TXNRD1: variants seen among roughly 807,000 people sequenced by gnomAD.
TXNRD1 encodes the protein thioredoxin reductase 1, cytoplasmic.
In TXNRD1, 57 loss-of-function variants were observed where a neutral mutation model predicts 80.3. The ratio of observed to expected loss-of-function variants is 0.71; its 90% CI spans 0.57 to 0.89. TXNRD1 has a LOEUF of 0.89. Among genes scored for constraint, TXNRD1 ranks in the 40% least tolerant of loss-of-function variants. The pLI, the probability that TXNRD1 is intolerant of heterozygous loss-of-function variation, is 0.00. For missense variants in TXNRD1, 730 were observed against 803.0 expected (o/e 0.91, Z 1.10); for synonymous variants, 291 against 285.2 (o/e 1.02, Z -0.20).
rs74399358 is a variant in TXNRD1 at position 104,261,126 on chromosome 12, G to A, written c.304+3047G>A. Among the ~76,000 whole-genome samples the A allele has an allele frequency of 4.9e-3, 743 of 151,472 alleles. 9 individuals carry two copies. The highest frequency in any genetic ancestry group is 0.017 in the African/African-American group (700 of 41,326). ...TGGATTATGAATTGACTTTTGTCCC[G>A]GTGGTTCCCCAGTTATACTTCCCTT... On this transcript the variant is annotated intron_variant, in intron 3 of 16. Coordinates refer to ENST00000525566, the MANE Select transcript of TXNRD1 (RefSeq NM_001093771.3).
intron 5 of TXNRD1, among the ~76,000 whole-genome samples, chr12:104,312,156 T>A (rs10861195): frequency 6.6e-6 from 1 of 151,864 alleles, no homozygotes; most frequent in Non-Finnish European, 1.5e-5. Flanking sequence ...CTCTCCAATA[T>A]AAAAAAAGAT....
intron 13 of TXNRD1, among the ~76,000 whole-genome samples, chr12:104,330,497 T>C (rs968953669): frequency 4.6e-5 from 7 of 152,338 alleles, no homozygotes; most frequent in African/African-American, 7.2e-5. Context: ...AACCTTTTTT[T>C]CCCCATGGTC....
chr12:104,249,392 C>G (rs1345512426), intron 1 of TXNRD1, among the ~76,000 whole-genome samples: 1 of 152,184 alleles, frequency 6.6e-6, no homozygotes, highest in Non-Finnish European at 1.5e-5. Flanking sequence ...GCATTCAGAT[C>G]ATAGCGCTTA....
chr12:104,267,284 C>CTTTCTTTTTTTCTT (rs2033524577), intron 3 of TXNRD1, among the ~76,000 whole-genome samples: 1 of 9,216 alleles, frequency 1.1e-4, no homozygotes, highest in African/African-American at 3.9e-4. Context: ...TCTTTCTTTC[C>CTTTCTTTTTTTCTT]TCTTTCTGTC....
Position 104,346,796 on chromosome 12 carries a change from T to TAA in TXNRD1, c.1882-1553_1882-1552dup, listed in dbSNP as rs202006531. Among the ~76,000 whole-genome samples, 1,209 of 152,196 alleles carry TAA rather than the reference T, an allele frequency of 7.9e-3. 13 individuals carry two copies. Among genetic ancestry groups the TAA allele is most frequent in the Non-Finnish European group, 9.9e-3 (674 of 68,002 alleles). On this transcript the variant is annotated intron_variant, in intron 16 of 16. Coordinates refer to ENST00000525566, the MANE Select transcript of TXNRD1 (RefSeq NM_001093771.3). ...GTCAATGTTTTTTCTATAATGAGTA[T>TAA]AAAAAGGATAACTATTGGCCAGGCA...
At chr12:104,307,538 G>T (rs951135547) in intron 4 of TXNRD1, among the ~76,000 whole-genome samples, 3 of 152,184 alleles carry the variant, frequency 2.0e-5, no homozygotes, top group African/African-American at 7.2e-5. Flanking sequence ...TGTTAGCTTC[G>T]TTAAGGATTA....
chr12:104,318,340 T>C lies in TXNRD1; in HGVS notation c.731-573T>C, dbSNP rs2035403328. Among the ~76,000 whole-genome samples, 3 of 152,200 alleles carry C rather than the reference T, an allele frequency of 2.0e-5. No individual in the cohort carries two copies. In the South Asian group the frequency reaches 6.2e-4, roughly 32 times the overall value. On this transcript the variant is annotated intron_variant, in intron 7 of 16. Transcript: ENST00000525566. ...TGAATTTTTTCCGTAAAAGGCCATATGGTAAATATTTTAGGATTCTTGGGG... is the reference window on the plus strand; with the variant it reads ...TGAATTTTTTCCGTAAAAGGCCATACGGTAAATATTTTAGGATTCTTGGGG...
intron 3 of TXNRD1, among the ~76,000 whole-genome samples, chr12:104,272,291 A>AACATTCCAATTCT (rs1434825164): frequency 1.3e-5 from 2 of 152,158 alleles, no homozygotes; most frequent in East Asian, 3.8e-4. Flanking sequence ...GTTAGATCGC[A>AACATTCCAATTCT]AAGGCTAAAC....
intron 1 of TXNRD1, among the ~76,000 whole-genome samples, chr12:104,217,812 T>C (rs2135670638): frequency 6.6e-6 from 1 of 152,288 alleles, no homozygotes; most frequent in African/African-American, 2.4e-5. Context: ...TTTAGATTGC[T>C]TATATAAGTT....
intron 16 of TXNRD1, among the ~76,000 whole-genome samples, chr12:104,343,954 A>G (rs1301181635): frequency 2.0e-5 from 3 of 152,028 alleles, no homozygotes; most frequent in African/African-American, 7.2e-5. Flanking sequence ...AAATACGAAA[A>G]TGGCCTGATG....
rs1005471728 is a variant in TXNRD1 at position 104,349,236 on chromosome 12, T to C, written c.*815T>C. 6.6e-6 allele frequency: 1 copy of C among 152,248 alleles called. No homozygotes were observed. Among genetic ancestry groups the C allele is most frequent in the Non-Finnish European group, 1.5e-5 (1 of 68,046 alleles). 9.4% of individuals were successfully genotyped at this position (152,248 alleles called of 1,614,324 possible). ...GGGGGAGAAACAGTACATATCTTTCTGTCTTTAGTTTATTGTGTGCTGGTC... is the reference window on the plus strand; with the variant it reads ...GGGGGAGAAACAGTACATATCTTTCCGTCTTTAGTTTATTGTGTGCTGGTC... On this transcript the variant is annotated 3_prime_UTR_variant, in exon 17 of 17. Coordinates refer to ENST00000525566, the MANE Select transcript of TXNRD1 (RefSeq NM_001093771.3).
At chr12:104,336,813 C>T (rs1206278232) in intron 15 of TXNRD1, among the ~76,000 whole-genome samples, 1 of 152,078 alleles carries the variant, frequency 6.6e-6, no homozygotes, top group African/African-American at 2.4e-5. Flanking sequence ...CTATTGTTTC[C>T]CCCTTTTTAT....
At position 104,326,395 on chromosome 12, in the gene TXNRD1, G is replaced by A. The variant is rs768595021; in HGVS notation, c.1357G>A (p.Glu453Lys). The A allele has an allele frequency of 6.3e-7, 1 of 1,586,406 alleles. No homozygotes were observed. The highest frequency in any genetic ancestry group is 1.2e-5 in the South Asian group (1 of 86,092). Residue 453 changes from glutamate to lysine, a missense_variant, in exon 12 of 17, where the codon GAA (glutamate) becomes AAA (lysine). By Grantham distance (56) the Glu-to-Lys change is moderately conservative (BLOSUM62 1). Coordinates refer to ENST00000525566, the MANE Select transcript of TXNRD1 (RefSeq NM_001093771.3). ...RDACTRKIGL[E>K]TVGVKINEKT... ...TGCTTGCACAAGAAAAATTGGCTTAGAAACCGTAGGGGTGAAGATAAATGA... is the reference window on the plus strand; with the variant it reads ...TGCTTGCACAAGAAAAATTGGCTTAAAAACCGTAGGGGTGAAGATAAATGA...
intron 1 of TXNRD1, among the ~76,000 whole-genome samples, chr12:104,223,302 T>C (rs1283657873): frequency 6.6e-6 from 1 of 152,224 alleles, no homozygotes; most frequent in Non-Finnish European, 1.5e-5. Context: ...GCACTCTATA[T>C]AGGGTCAATG....
At chr12:104,273,508 G>A (rs1565872793) in intron 3 of TXNRD1, among the ~76,000 whole-genome samples, 1 of 152,256 alleles carries the variant, frequency 6.6e-6, no homozygotes, top group South Asian at 2.1e-4. Context: ...CAGGAGAATC[G>A]CTTGAACCCA....
chr12:104,267,256 T>TTTCTTTCTTTCTTTCTTTCTTTCTTTCC (rs2033521028), intron 3 of TXNRD1, among the ~76,000 whole-genome samples: 4 of 135,432 alleles, frequency 3.0e-5, no homozygotes, highest in Non-Finnish European at 6.2e-5. Context: ...TCTTTCTTTC[T>TTTCTTTCTTTCTTTCTTTCTTTCTTTCC]TTCTTTCTTT....
intron 5 of TXNRD1, 143 bp downstream of exon 5, chr12:104,311,555 G>A: frequency 9.3e-7 from 1 of 1,079,248 alleles, no homozygotes. Flanking sequence ...GGCAGGACAT[G>A]GACATCGTAA....
intron 2 of TXNRD1, among the ~76,000 whole-genome samples, chr12:104,251,956 C>T (rs189362421): frequency 3.3e-4 from 49 of 149,278 alleles, no homozygotes; most frequent in African/African-American, 8.4e-4. Context: ...CGCAGCTACT[C>T]GGGAGGCTGA....
At chr12:104,303,666 CG>C (rs1411811240) in intron 4 of TXNRD1, 1 of 462,006 alleles carries the variant, frequency 2.2e-6, no homozygotes, top group Admixed American at 4.3e-5. Flanking sequence ...GTGGCTGGGC[CG>C]GGCCGGGGCG....
Sources: allele counts gnomAD v4.1 joint callset (sites outside exome capture counted in the v4.1 genomes callset), GRCh38; gene constraint gnomAD v4.1.1; transcripts MANE v1.5; gene names NCBI Gene and HGNC (gene_info 2026-07-23, HGNC 2026-07-21).